The following SLC9A1 variants were observed in gnomAD, a reference collection of about 807,000 sequenced individuals.
The protein encoded by SLC9A1 is sodium/hydrogen exchanger 1.
A neutral mutation model predicts 67.9 loss-of-function variants in SLC9A1; 22 were observed. That is an observed-to-expected ratio of 0.32 (90% confidence interval 0.23 to 0.46). The LOEUF is 0.46. Among genes scored for constraint, SLC9A1 ranks in the 20% least tolerant of loss-of-function variants. The probability of loss-of-function intolerance (pLI) is 1.00; values close to 1 mark genes in which losing one functional copy is unlikely to be tolerated. For synonymous variants in SLC9A1, 421 were observed against 471.8 expected, an observed-to-expected ratio of 0.89 and a Z score of 1.40; for missense variants, 686 against 1,094.8, an observed-to-expected ratio of 0.63 and a Z score of 5.27.
At chr1:27,131,777 G>A (rs557179887) in intron 1 of SLC9A1, among the ~76,000 whole-genome samples, 158 of 148,526 alleles carry the variant, frequency 1.1e-3, no homozygotes, top group African/African-American at 3.5e-3. Context: ...TCCAGGCATG[G>A]TGGCACACCC....
intron 2 of SLC9A1, among the ~76,000 whole-genome samples, chr1:27,110,618 G>A (rs1287981960): frequency 6.6e-6 from 1 of 152,214 alleles, no homozygotes; most frequent in Non-Finnish European, 1.5e-5. Context: ...ACAACCATGC[G>A]AGGCAGGTGG....
At chr1:27,111,189 C>T (rs902669026) in intron 2 of SLC9A1, among the ~76,000 whole-genome samples, 14 of 152,226 alleles carry the variant, frequency 9.2e-5, no homozygotes, top group Admixed American at 7.8e-4. Flanking sequence ...TTAGCAGGTG[C>T]GTACTCAGCC....
At chr1:27,121,557 G>A (rs11806219) in intron 1 of SLC9A1, among the ~76,000 whole-genome samples, 8,580 of 152,184 alleles carry the variant, frequency 0.056, 745 homozygotes, top group African/African-American at 0.19. Context: ...AATAAGCAGC[G>A]ATTGAGCCAG....
chr1:27,123,915 C>T (rs1435606498), intron 1 of SLC9A1, among the ~76,000 whole-genome samples: 1 of 152,136 alleles, frequency 6.6e-6, no homozygotes, highest in Non-Finnish European at 1.5e-5. Flanking sequence ...CAACCTCCGC[C>T]TCCCGGGTTC....
In SLC9A1 at chr1:27,101,284, G is replaced by A. The variant is rs1310361501; in HGVS notation, c.2038-9C>T. ...GTCAGGTAGTTGTTGATCTGACAGAGAGGACAGACGGGGTGAGCACAGGCA... is the reference window on the plus strand; with the variant it reads ...GTCAGGTAGTTGTTGATCTGACAGAAAGGACAGACGGGGTGAGCACAGGCA... On this transcript the variant is annotated splice_polypyrimidine_tract_variant and intron_variant, in intron 10 of 11. Coordinates refer to ENST00000263980, the MANE Select transcript of SLC9A1 (RefSeq NM_003047.5). The surrounding 1 kb of genome is among the most constrained non-coding windows in gnomAD (Gnocchi z 4.9). 3 of 1,610,756 alleles carry A rather than the reference G, an allele frequency of 1.9e-6. No individual in the cohort carries two copies. The highest frequency in any genetic ancestry group is 2.5e-6 in the Non-Finnish European group (3 of 1,178,990).
rs775374045 is a variant in SLC9A1, at chr1:27,154,275, G to C, written c.60C>G (p.Leu20=). The C allele has an allele frequency of 1.9e-6, 3 of 1,612,688 alleles. No homozygotes were observed. The African/African-American group carries it at 4.0e-5, about 22-fold the overall frequency. The part of the protein sequence containing the change: ...LSPHRIFPSL[L]VVVALVGLLP... The stretch of plus-strand genomic sequence containing the variant: ...GCAGCCCCACCAAAGCAACCACCAC[G>C]AGTAAGGAAGGGAAGATCCGATGTG... Residue 20 remains leucine, a synonymous_variant, in exon 1 of 12, where the codon CTC becomes CTG. Transcript: ENST00000263980.
At chr1:27,148,909 T>C (rs1233474382) in intron 1 of SLC9A1, among the ~76,000 whole-genome samples, 2 of 152,098 alleles carry the variant, frequency 1.3e-5, no homozygotes, top group Non-Finnish European at 2.9e-5. Context: ...AGACCACCCT[T>C]TACCTGGCAC....
rs947842009 is a variant in SLC9A1, at chr1:27,106,446, TC to T, written c.1283-360del. ...GTCATGATCCTATTCTCTCTACTTT[TC>T]TAAGTACTTGAAATTTTCCATAATA... On this transcript the variant is annotated intron_variant, in intron 4 of 11. Transcript: ENST00000263980. This position sits in a 1 kb window ranked among gnomAD's most constrained non-coding sequence, Gnocchi z 4.3. Among the ~76,000 whole-genome samples, 70 of 152,232 alleles carry T rather than the reference TC, an allele frequency of 4.6e-4. No homozygotes were observed. The highest frequency in any genetic ancestry group is 1.6e-3 in the African/African-American group (66 of 41,518).
chr1:27,150,263 G>T (rs769342851), intron 1 of SLC9A1, among the ~76,000 whole-genome samples: 1 of 152,096 alleles, frequency 6.6e-6, no homozygotes, highest in East Asian at 1.9e-4. Flanking sequence ...GGCAGGATTC[G>T]CCTTGCAAAG....
At chr1:27,151,446 C>T (rs775264145) in intron 1 of SLC9A1, among the ~76,000 whole-genome samples, 18 of 152,086 alleles carry the variant, frequency 1.2e-4, no homozygotes, top group East Asian at 1.2e-3. Flanking sequence ...CTGCAACCTC[C>T]GCCTCCTGGG....
chr1:27,100,495 C>T lies in SLC9A1; in HGVS notation c.2260G>A (p.Glu754Lys). 1 of 1,614,154 alleles carries T rather than the reference C, an allele frequency of 6.2e-7. No individual in the cohort carries two copies. Among genetic ancestry groups the T allele is most frequent in the Non-Finnish European group, 8.5e-7 (1 of 1,179,984 alleles). The change falls in exon 12 of 12, where the codon GAG becomes AAG. Residue 754 changes from glutamate (E) to lysine (K), a missense_variant. Transcript: ENST00000263980. This position sits in a 1 kb window ranked among gnomAD's most constrained non-coding sequence, Gnocchi z 5.6. ...ATGCCCCCATCGTCGTCCTCGTCCT[C>T]CTCAGCCACCTTTGCAGGATCCCGG... ...LSRDPAKVAEEDEDDDGGIMM... is the reference protein window; with the variant it reads ...LSRDPAKVAEKDEDDDGGIMM...
At chr1:27,141,524 C>T (rs1012261648) in intron 1 of SLC9A1, among the ~76,000 whole-genome samples, 5 of 152,208 alleles carry the variant, frequency 3.3e-5, no homozygotes, top group Admixed American at 6.5e-5. Flanking sequence ...TTCCCAGGTA[C>T]GAAATTCTCT....
At chr1:27,125,290 G>T (rs1238289150) in intron 1 of SLC9A1, among the ~76,000 whole-genome samples, 1 of 110,496 alleles carries the variant, frequency 9.1e-6, no homozygotes, top group Non-Finnish European at 1.7e-5. Context: ...CTGTCATCTA[G>T]GCTGGAGTGC....
intron 1 of SLC9A1, among the ~76,000 whole-genome samples, chr1:27,130,403 A>T (rs1462640337): frequency 1.3e-5 from 2 of 152,110 alleles, no homozygotes; most frequent in Admixed American, 1.3e-4. Flanking sequence ...CACCCGGCCT[A>T]AACTGCTGGT....
intron 5 of SLC9A1, chr1:27,105,458 C>T: frequency 2.1e-6 from 1 of 473,338 alleles, no homozygotes; most frequent in Non-Finnish European, 3.9e-6. Flanking sequence ...CATCACCATG[C>T]CCACTAATTT....
intron 4 of SLC9A1, 30 bp downstream of exon 4, chr1:27,107,618 C>G (rs548399079): frequency 6.7e-7 from 1 of 1,486,468 alleles, no homozygotes; most frequent in African/African-American, 1.4e-5. Flanking sequence ...CACACCACAA[C>G]CCCCACCCCG....
At chr1:27,132,079 G>C (rs1204884174) in intron 1 of SLC9A1, among the ~76,000 whole-genome samples, 2 of 151,524 alleles carry the variant, frequency 1.3e-5, no homozygotes, top group African/African-American at 4.9e-5. Flanking sequence ...CTGAGGCTCA[G>C]AGAGGCTAGG....
At chr1:27,111,426 C>A (rs776105219) in intron 2 of SLC9A1, among the ~76,000 whole-genome samples, 2 of 152,156 alleles carry the variant, frequency 1.3e-5, no homozygotes, top group Non-Finnish European at 2.9e-5. Context: ...GTAACCTCTC[C>A]GTTCCTCAGT....
chr1:27,129,761 A>AC (rs1557427450), intron 1 of SLC9A1, among the ~76,000 whole-genome samples: 3 of 150,818 alleles, frequency 2.0e-5, no homozygotes, highest in Admixed American at 6.6e-5. Flanking sequence ...CATGGTGCCA[A>AC]CCCCCCCATT....
Sources: allele counts gnomAD v4.1 joint callset (sites outside exome capture counted in the v4.1 genomes callset), GRCh38; gene constraint gnomAD v4.1.1; non-coding constraint Gnocchi (gnomAD v3.1); transcripts MANE v1.5; gene names NCBI Gene and HGNC (gene_info 2026-07-23, HGNC 2026-07-21).